Variants in ANKRD6 observed in about 807,000 individuals in gnomAD.
ANKRD6 encodes the protein ankyrin repeat domain-containing protein 6.
ANKRD6 carries 56 observed loss-of-function variants against 82.3 expected under a neutral mutation model. That is an observed-to-expected ratio of 0.68 (90% CI 0.55 to 0.85). The LOEUF is 0.85. Among genes scored for constraint, ANKRD6 ranks in the 40% least tolerant of loss-of-function variants. The pLI, the probability that ANKRD6 is intolerant of heterozygous loss-of-function variation, is 0.00. For synonymous variants in ANKRD6, 347 were observed against 352.1 expected (o/e 0.99, Z 0.16); for missense variants, 852 against 907.6 (o/e 0.94, Z 0.79).
Position 89,544,624 on chromosome 6 carries a change from G to A in ANKRD6, c.-143-22210G>A, listed in dbSNP as rs75768520. On this transcript the variant is annotated intron_variant, in intron 1 of 15. Transcript: ENST00000339746. ...AGCTACTCAGGAGGCTGATGCAGGAGAATTGCTTGAACCCAGGAGGCGGAG... is the reference window on the plus strand; with the variant it reads ...AGCTACTCAGGAGGCTGATGCAGGAAAATTGCTTGAACCCAGGAGGCGGAG... 4.2e-4 allele frequency among the ~76,000 whole-genome samples: 64 copies of A among 152,246 alleles called. 1 individual carries two copies. In the East Asian group the frequency reaches 0.011, roughly 27 times the overall value.
chr6:89,576,590 A>G (rs1052969977), intron 2 of ANKRD6, among the ~76,000 whole-genome samples: 1 of 152,038 alleles, frequency 6.6e-6, no homozygotes, highest in Non-Finnish European at 1.5e-5. Context: ...TCAGCTGTGC[A>G]CTGGTGAACA....
intron 2 of ANKRD6, among the ~76,000 whole-genome samples, chr6:89,571,407 A>G (rs1484439746): frequency 5.3e-5 from 8 of 151,984 alleles, no homozygotes; most frequent in Non-Finnish European, 1.2e-4. Flanking sequence ...TAGTGATATT[A>G]AATGTCTTTT....
chr6:89,465,354 C>G (rs568642830), intron 1 of ANKRD6, among the ~76,000 whole-genome samples: 5 of 152,092 alleles, frequency 3.3e-5, no homozygotes, highest in African/African-American at 1.2e-4. Flanking sequence ...CTCCTGACCT[C>G]AAGTGATCCG....
intron 1 of ANKRD6, among the ~76,000 whole-genome samples, chr6:89,507,897 T>A (rs1258268123): frequency 1.3e-5 from 2 of 152,222 alleles, no homozygotes; most frequent in African/African-American, 4.8e-5. Flanking sequence ...CAGGAAACTT[T>A]CCTGTAGCTG....
chr6:89,541,505 G>A (rs918281333), intron 1 of ANKRD6, among the ~76,000 whole-genome samples: 2 of 141,194 alleles, frequency 1.4e-5, no homozygotes, highest in African/African-American at 2.6e-5. Context: ...CGATTCTCCT[G>A]CCTCAGCCTC....
chr6:89,517,920 T>C (rs1397672501), intron 1 of ANKRD6, among the ~76,000 whole-genome samples: 1 of 152,200 alleles, frequency 6.6e-6, no homozygotes, highest in East Asian at 1.9e-4. Flanking sequence ...GGATATACAC[T>C]TCTCTGCAAG....
At chr6:89,541,996 G>A (rs1355270925) in intron 1 of ANKRD6, among the ~76,000 whole-genome samples, 1 of 151,390 alleles carries the variant, frequency 6.6e-6, no homozygotes, top group African/African-American at 2.4e-5. Context: ...TTTCTAATTA[G>A]AATGTACTTT....
intron 2 of ANKRD6, among the ~76,000 whole-genome samples, chr6:89,571,114 C>G (rs751121616): frequency 1.6e-4 from 24 of 152,092 alleles, no homozygotes; most frequent in Non-Finnish European, 3.2e-4. Flanking sequence ...TGCAGTGGTG[C>G]TATCTTGGCT....
At position 89,606,059 on chromosome 6, in the gene ANKRD6, C is replaced by A. The variant is rs1235115749; in HGVS notation, c.371C>A (p.Ala124Asp). 1 of 1,594,024 alleles carries A rather than the reference C, an allele frequency of 6.3e-7. No homozygotes were observed. Among genetic ancestry groups the A allele is most frequent in the South Asian group, 1.2e-5 (1 of 86,894 alleles). ...TCCTGGCATGGTTTCAGCCAGTCAG[C>A]CAAGCTGCTCATTAAAGCAGGAGCC... ...EASWHGFSQS[A>D]KLLIKAGANV... The change falls in exon 5 of 16, where the codon GCC (alanine) becomes GAC (aspartate). Residue 124 changes from alanine (A) to aspartate (D), a missense_variant. Physicochemically the swap from Ala to Asp is moderately radical, Grantham distance 126. Transcript: ENST00000339746.
intron 1 of ANKRD6, among the ~76,000 whole-genome samples, chr6:89,506,076 C>T (rs187269040): frequency 1.0e-3 from 154 of 152,194 alleles, no homozygotes; most frequent in African/African-American, 3.6e-3. Context: ...GCAATGGGAA[C>T]ATGTTAGTCA....
Position 89,596,356 on chromosome 6 carries a change from T to C in ANKRD6, c.219+342T>C, listed in dbSNP as rs149602157. ...GCATAAAGAGACACACACATGCACATTAGTGAGTATGGGCAAGACTTGCCG... is the reference window on the plus strand; with the variant it reads ...GCATAAAGAGACACACACATGCACACTAGTGAGTATGGGCAAGACTTGCCG... On this transcript the variant is annotated intron_variant, in intron 3 of 15. Transcript: ENST00000339746. Among the ~76,000 whole-genome samples, 1,115 of 152,276 alleles carry C rather than the reference T, an allele frequency of 7.3e-3. 15 individuals carry two copies. Among genetic ancestry groups the C allele is most frequent in the African/African-American group, 0.026 (1,067 of 41,552 alleles).
chr6:89,595,259 AG>A (rs1398330626), intron 2 of ANKRD6, among the ~76,000 whole-genome samples: 1 of 152,174 alleles, frequency 6.6e-6, no homozygotes, highest in Non-Finnish European at 1.5e-5. Context: ...GCTACTCGGG[AG>A]GCTGAGGCAG....
At chr6:89,454,966 G>A (rs757168681) in intron 1 of ANKRD6, among the ~76,000 whole-genome samples, 2 of 151,894 alleles carry the variant, frequency 1.3e-5, no homozygotes, top group African/African-American at 2.4e-5. Context: ...TCAGCCTCCC[G>A]AGTAGCTGGA....
At chr6:89,580,543 T>C (rs1029128598) in intron 2 of ANKRD6, among the ~76,000 whole-genome samples, 10 of 152,126 alleles carry the variant, frequency 6.6e-5, no homozygotes, top group African/African-American at 1.9e-4. Flanking sequence ...TATACATTCA[T>C]GGCCTCAAGA....
At chr6:89,506,375 C>T (rs374276656) in intron 1 of ANKRD6, among the ~76,000 whole-genome samples, 10 of 152,176 alleles carry the variant, frequency 6.6e-5, no homozygotes, top group South Asian at 2.1e-4. Context: ...GGTGCAGTGG[C>T]GCAATCTCAG....
chr6:89,587,673 C>A (rs1409453076), intron 2 of ANKRD6, among the ~76,000 whole-genome samples: 10 of 152,192 alleles, frequency 6.6e-5, no homozygotes, highest in Non-Finnish European at 1.3e-4. Flanking sequence ...AGGAATTACC[C>A]TCTGCCCCCA....
At chr6:89,564,226 G>A (rs909402220) in intron 1 of ANKRD6, among the ~76,000 whole-genome samples, 1 of 152,076 alleles carries the variant, frequency 6.6e-6, no homozygotes, top group Admixed American at 6.5e-5. Context: ...TCCTGTGTGA[G>A]GGACCTGTTC....
chr6:89,479,466 A>G (rs1033389726), intron 1 of ANKRD6, among the ~76,000 whole-genome samples: 1 of 152,116 alleles, frequency 6.6e-6, no homozygotes, highest in African/African-American at 2.4e-5. Context: ...TCATTGAATC[A>G]TCTTCTTTTA....
Position 89,448,978 on chromosome 6 carries a change from C to T in ANKRD6, c.-144+15603C>T, listed in dbSNP as rs952583020. 1.3e-3 allele frequency among the ~76,000 whole-genome samples: 186 copies of T among 142,246 alleles called. 1 individual carries two copies. The highest frequency in any genetic ancestry group is 1.6e-3 in the Non-Finnish European group (105 of 66,928). 93.3% of individuals were successfully genotyped at this position (142,246 alleles called of 152,430 possible). On this transcript the variant is annotated intron_variant, in intron 1 of 15. Coordinates refer to ENST00000339746, the MANE Select transcript of ANKRD6 (RefSeq NM_001242809.2). ...CTGGGAGGCGGAGCTTGCAGTGAGC[C>T]GAGATCGCGCCACTGCACTCCAACC...
Sources: allele counts gnomAD v4.1 joint callset (sites outside exome capture counted in the v4.1 genomes callset), GRCh38; gene constraint gnomAD v4.1.1; transcripts MANE v1.5; gene names NCBI Gene and HGNC (gene_info 2026-07-23, HGNC 2026-07-21).